EFR3B: variants seen among roughly 807,000 people sequenced by gnomAD.
EFR3B encodes EFR3 homolog B, also known as protein EFR3 homolog B.
A neutral mutation model predicts 104.7 loss-of-function variants in EFR3B; 64 were observed. The ratio of observed to expected loss-of-function variants is 0.61; its 90% CI spans 0.50 to 0.75. EFR3B has a LOEUF of 0.75. Among genes scored for constraint, EFR3B ranks in the 30% least tolerant of loss-of-function variants. The probability of loss-of-function intolerance (pLI) is 0.00; values close to 1 mark genes in which losing one functional copy is unlikely to be tolerated. For synonymous variants in EFR3B, 385 were observed against 417.9 expected, an observed-to-expected ratio of 0.92 and a Z score of 0.96; for missense variants, 750 against 1,078.5, an observed-to-expected ratio of 0.70 and a Z score of 4.27.
At chr2:25,110,462 CT>C (rs1669693888) in intron 4 of EFR3B, among the ~76,000 whole-genome samples, 1 of 152,186 alleles carries the variant, frequency 6.6e-6, no homozygotes, top group Admixed American at 6.5e-5. Context: ...ATGCCTTTGC[CT>C]TCTTCTCCCA....
chr2:25,126,190 C>T (rs7564400), intron 5 of EFR3B, among the ~76,000 whole-genome samples: 53,398 of 151,864 alleles, frequency 0.35, 10,570 homozygotes, highest in East Asian at 0.53. Context: ...CTTTCATTTC[C>T]TTTTTTGAGA....
At chr2:25,047,493 T>A (rs1039581656) in intron 1 of EFR3B, among the ~76,000 whole-genome samples, 17 of 152,172 alleles carry the variant, frequency 1.1e-4, no homozygotes, top group African/African-American at 4.1e-4. Flanking sequence ...CTTAATTTTT[T>A]TATTTTTTAA....
intron 1 of EFR3B, among the ~76,000 whole-genome samples, chr2:25,075,704 A>G (rs572615164): frequency 5.8e-4 from 88 of 152,362 alleles, no homozygotes; most frequent in African/African-American, 2.1e-3. Context: ...TTACAAGTCA[A>G]CATATTAGAT....
At chr2:25,088,839 TAGG>T (rs1294227086) in intron 1 of EFR3B, among the ~76,000 whole-genome samples, 2 of 152,158 alleles carry the variant, frequency 1.3e-5, no homozygotes, top group African/African-American at 2.4e-5. Context: ...CTGAAGAGGT[TAGG>T]AAGAAAGGAA....
chr2:25,042,727 C>T lies in EFR3B; in HGVS notation c.7+408C>T. 1.0e-6 allele frequency: 1 copy of T among 989,786 alleles called. No homozygotes were observed. Among genetic ancestry groups the T allele is most frequent in the Non-Finnish European group, 1.2e-6 (1 of 831,828 alleles). The allele number at this position is 989,786 out of a possible 1,614,324, so 61.3% of individuals were successfully genotyped here. On this transcript the variant is annotated intron_variant, in intron 1 of 22. Transcript: ENST00000403714. The surrounding 1 kb of genome is among the most constrained non-coding windows in gnomAD (Gnocchi z 5.4). ...CAGGGCTGAGGGAGACGCCCGCGGC[C>T]GGTCGTCTGCGCGGCTCGGAGAAGG...
At chr2:25,101,052 A>C (rs1188556968) in intron 3 of EFR3B, among the ~76,000 whole-genome samples, 1 of 152,188 alleles carries the variant, frequency 6.6e-6, no homozygotes, top group Non-Finnish European at 1.5e-5. Flanking sequence ...AGCACTCCCA[A>C]ATCTGATTAT....
intron 3 of EFR3B, among the ~76,000 whole-genome samples, 157 bp from the exon 4 acceptor site, chr2:25,103,480 T>C (rs1669478687): frequency 6.6e-6 from 1 of 152,210 alleles, no homozygotes. Context: ...GAGCAGACAC[T>C]TGTTGGAAAG....
chr2:25,131,919 G>T lies in EFR3B; in HGVS notation c.1147+8G>T. 2 of 1,495,518 alleles carry T rather than the reference G, an allele frequency of 1.3e-6. No individual in the cohort carries two copies. The highest frequency in any genetic ancestry group is 1.8e-6 in the Non-Finnish European group (2 of 1,121,636). 92.6% of individuals were successfully genotyped at this position (1,495,518 alleles called of 1,614,324 possible). On this transcript the variant is annotated splice_region_variant and intron_variant, in intron 10 of 22. Coordinates refer to ENST00000403714, the MANE Select transcript of EFR3B (RefSeq NM_014971.2). This position sits in a 1 kb window ranked among gnomAD's most constrained non-coding sequence, Gnocchi z 7.6. The stretch of plus-strand genomic sequence containing the variant: ...CCGTCATCAAGACCGTGGGTGCGGC[G>T]CGGGGCCGGGCCGGGGCGGGGCGGG...
Position 25,057,227 on chromosome 2 carries a change from C to G in EFR3B, c.7+14908C>G, listed in dbSNP as rs560992694. ...GTCCTGTCTAATGGCATGACCCCCACTGGGGTAGGGGTAGGTAGGAGCCAT... is the reference window on the plus strand; with the variant it reads ...GTCCTGTCTAATGGCATGACCCCCAGTGGGGTAGGGGTAGGTAGGAGCCAT... On this transcript the variant is annotated intron_variant, in intron 1 of 22. Coordinates refer to ENST00000403714, the MANE Select transcript of EFR3B (RefSeq NM_014971.2). Among the ~76,000 whole-genome samples, 136 of 152,314 alleles carry G rather than the reference C, an allele frequency of 8.9e-4. 1 individual carries two copies. The highest frequency in any genetic ancestry group is 3.2e-3 in the African/African-American group (132 of 41,560).
intron 20 of EFR3B, 27 bp downstream of exon 20, chr2:25,149,769 T>G: frequency 6.5e-7 from 1 of 1,550,116 alleles, no homozygotes; most frequent in African/African-American, 1.4e-5. Flanking sequence ...GGACTCTGGT[T>G]AGAGGGCAAA....
intron 1 of EFR3B, among the ~76,000 whole-genome samples, chr2:25,059,745 C>T (rs1317075743): frequency 6.6e-6 from 1 of 151,898 alleles, no homozygotes; most frequent in Non-Finnish European, 1.5e-5. Context: ...CGTGGTGGCA[C>T]ATTGCTGTAA....
intron 1 of EFR3B, among the ~76,000 whole-genome samples, chr2:25,090,414 T>C (rs1469740329): frequency 2.6e-5 from 4 of 152,266 alleles, no homozygotes; most frequent in African/African-American, 9.6e-5. Context: ...ACTTCTAATT[T>C]TGCCAGTTTG....
intron 1 of EFR3B, among the ~76,000 whole-genome samples, chr2:25,062,530 A>T (rs1232899882): frequency 1.3e-5 from 2 of 152,256 alleles, no homozygotes; most frequent in Non-Finnish European, 2.9e-5. Flanking sequence ...CAGTGGGTAT[A>T]CTAGGAGACG....
At position 25,143,622 on chromosome 2, in the gene EFR3B, C is replaced by T. The variant is rs1216975806; in HGVS notation, c.1923-113C>T. ...TTGCAATGAGCCGAGATCGCACCACCACACTCCAGCCTGGGCGACAAGAGC... is the reference window on the plus strand; with the variant it reads ...TTGCAATGAGCCGAGATCGCACCACTACACTCCAGCCTGGGCGACAAGAGC... On this transcript the variant is annotated intron_variant, in intron 17 of 22. Coordinates refer to ENST00000403714, the MANE Select transcript of EFR3B (RefSeq NM_014971.2). The T allele has an allele frequency of 2.2e-6, 3 of 1,339,574 alleles. No individual in the cohort carries two copies. The East Asian group carries it at 7.9e-5, about 35-fold the overall frequency. The allele number at this position is 1,339,574 out of a possible 1,614,324, so 83.0% of individuals were successfully genotyped here.
rs560152846 is a variant in EFR3B at position 25,063,110 on chromosome 2, T to C, written c.7+20791T>C. 7.3e-5 allele frequency among the ~76,000 whole-genome samples: 11 copies of C among 151,692 alleles called. No homozygotes were observed. In the South Asian group the frequency reaches 2.3e-3, roughly 32 times the overall value. ...CACCCACCACCCCTGGCTAATTTTT[T>C]TGTATTTTTAGTAGAGACGGGGTTT... is the stretch of plus-strand genomic sequence containing the variant. On this transcript the variant is annotated intron_variant, in intron 1 of 22. Transcript: ENST00000403714.
chr2:25,065,654 T>G (rs1031712046), intron 1 of EFR3B, among the ~76,000 whole-genome samples: 23 of 152,196 alleles, frequency 1.5e-4, no homozygotes, highest in Admixed American at 1.1e-3. Context: ...GCCTGAGGGC[T>G]GGGCCCTGTG....
intron 3 of EFR3B, among the ~76,000 whole-genome samples, chr2:25,094,498 C>T (rs1336663582): frequency 2.0e-5 from 3 of 152,052 alleles, no homozygotes; most frequent in Admixed American, 6.5e-5. Flanking sequence ...TTGCCACACA[C>T]GTGGGATGAC....
At chr2:25,119,217 A>T (rs972480301) in intron 4 of EFR3B, among the ~76,000 whole-genome samples, 3 of 152,240 alleles carry the variant, frequency 2.0e-5, no homozygotes, top group African/African-American at 7.2e-5. Context: ...CTTGTTTTGC[A>T]CATGGGAAAA....
At position 25,153,909 on chromosome 2, in the gene EFR3B, C is replaced by T; in HGVS notation, c.2348+148C>T. The T allele has an allele frequency of 4.5e-6, 4 of 879,692 alleles. No individual in the cohort carries two copies. The South Asian group carries it at 6.3e-5, about 14-fold the overall frequency. 54.5% of individuals were successfully genotyped at this position (879,692 alleles called of 1,614,324 possible). ...CTCTATCCCCTGGGCTGGAGTCAGC[C>T]ACCAACTCTAACCCTCCCTAGACAA... On this transcript the variant is annotated intron_variant, in intron 22 of 22. Coordinates refer to ENST00000403714, the MANE Select transcript of EFR3B (RefSeq NM_014971.2).
Sources: allele counts gnomAD v4.1 joint callset (sites outside exome capture counted in the v4.1 genomes callset), GRCh38; gene constraint gnomAD v4.1.1; non-coding constraint Gnocchi (gnomAD v3.1); transcripts MANE v1.5; gene names NCBI Gene and HGNC (gene_info 2026-07-23, HGNC 2026-07-21).